FRYL: variants seen among roughly 807,000 people sequenced by gnomAD.
FRYL encodes the protein protein furry homolog-like.
A neutral mutation model predicts 351.2 loss-of-function variants in FRYL; 150 were observed. The ratio of observed to expected loss-of-function variants is 0.43; its 90% CI spans 0.37 to 0.49. FRYL has a LOEUF of 0.49. Among genes scored for constraint, FRYL ranks in the 20% least tolerant of loss-of-function variants. FRYL has a pLI of 0.00. For synonymous variants in FRYL, 1,153 were observed against 1,257.1 expected (o/e 0.92, Z 1.75); for missense variants, 3,036 against 3,619.3 (o/e 0.84, Z 4.13).
At position 48,528,320 on chromosome 4, in the gene FRYL, T is replaced by C; in HGVS notation, c.6920A>G (p.Asn2307Ser). 6.2e-7 allele frequency: 1 copy of C among 1,604,674 alleles called. No individual in the cohort carries two copies. The highest frequency in any genetic ancestry group is 8.5e-7 in the Non-Finnish European group (1 of 1,175,716). The change falls in exon 51 of 64, where the codon AAC becomes AGC. Residue 2307 changes from asparagine to serine, a missense_variant. Physicochemically the swap from Asn to Ser is conservative, Grantham distance 46. Around this residue, in one of 7 missense-constraint regions of FRYL, gnomAD observed 1,987 missense variants for 2,311.7 expected, o/e 0.86. Transcript: ENST00000358350. ...CGCACTGTGCTGATCACCATATTTGTTTCCAATAATTGGTGTCTACACAGA... is the reference window on the plus strand; with the variant it reads ...CGCACTGTGCTGATCACCATATTTGCTTCCAATAATTGGTGTCTACACAGA... ...FDISETPIIG[N>S]KYGDQHSAAG...
At chr4:48,536,900 C>T (rs768225585) in intron 47 of FRYL, among the ~76,000 whole-genome samples, 1 of 152,112 alleles carries the variant, frequency 6.6e-6, no homozygotes, top group Non-Finnish European at 1.5e-5. Context: ...TGGACATTAT[C>T]ATGGAACAAG....
At chr4:48,740,791 A>G (rs989880449) in intron 1 of FRYL, among the ~76,000 whole-genome samples, 44 of 152,208 alleles carry the variant, frequency 2.9e-4, no homozygotes, top group Admixed American at 5.9e-4. Flanking sequence ...GATGTGAGGC[A>G]AGAAAAACTA....
intron 33 of FRYL, among the ~76,000 whole-genome samples, chr4:48,558,151 T>C (rs1317832203): frequency 2.0e-5 from 3 of 152,158 alleles, no homozygotes; most frequent in Non-Finnish European, 1.5e-5. Flanking sequence ...AGCCAAGAGG[T>C]AGGTGGAAGC....
In FRYL at chr4:48,620,798, C is replaced by G; in HGVS notation, c.175-20G>C. On this transcript the variant is annotated intron_variant, in intron 5 of 63. Coordinates refer to ENST00000358350, the MANE Select transcript of FRYL (RefSeq NM_015030.2). ...TATCAACTGAAAACACAAGATATTA[C>G]CAGAAAATAAATTGTAACACTGAAT... The G allele has an allele frequency of 6.3e-7, 1 of 1,599,358 alleles. No individual in the cohort carries two copies. Among genetic ancestry groups the G allele is most frequent in the Non-Finnish European group, 8.6e-7 (1 of 1,169,042 alleles).
chr4:48,563,410 C>T lies in FRYL; in HGVS notation c.3597-422G>A, dbSNP rs2149065659. Among the ~76,000 whole-genome samples, 5 of 152,172 alleles carry T rather than the reference C, an allele frequency of 3.3e-5. No individual in the cohort carries two copies. The Middle Eastern group carries it at 0.014, about 414-fold the overall frequency. On this transcript the variant is annotated intron_variant, in intron 31 of 63. Transcript: ENST00000358350. ...AAGAAAAGAAAATACAGTCAACCCTCTGTGGATCAAAAATATGAGGGAAAG... is the reference window on the plus strand; with the variant it reads ...AAGAAAAGAAAATACAGTCAACCCTTTGTGGATCAAAAATATGAGGGAAAG...
At chr4:48,636,677 T>C (rs1754288641) in intron 3 of FRYL, among the ~76,000 whole-genome samples, 1 of 152,006 alleles carries the variant, frequency 6.6e-6, no homozygotes, top group African/African-American at 2.4e-5. Flanking sequence ...AAACCTTTAT[T>C]TACAAGTTAT....
chr4:48,677,075 A>G (rs1353875194), intron 3 of FRYL, among the ~76,000 whole-genome samples: 2 of 152,230 alleles, frequency 1.3e-5, no homozygotes, highest in Admixed American at 6.5e-5. Flanking sequence ...TATTTTACAG[A>G]GGAATAGAGG....
intron 44 of FRYL, 147 bp from the exon 45 acceptor site, chr4:48,542,268 A>G (rs1730357924): frequency 1.6e-6 from 1 of 635,596 alleles, no homozygotes; most frequent in Non-Finnish European, 2.8e-6. Context: ...TTGCTGATTG[A>G]TGCAAACTCA....
chr4:48,671,676 A>G (rs562516781), intron 3 of FRYL, among the ~76,000 whole-genome samples: 6,946 of 151,496 alleles, frequency 0.046, 268 homozygotes, highest in Non-Finnish European at 0.062. Flanking sequence ...TCAAAACAAA[A>G]CAAAACAAAA....
chr4:48,632,993 A>G (rs1753552402), intron 4 of FRYL, among the ~76,000 whole-genome samples: 1 of 152,170 alleles, frequency 6.6e-6, no homozygotes, highest in African/African-American at 2.4e-5. Context: ...GTGCGCCGTC[A>G]CAAACCCTCT....
intron 53 of FRYL, among the ~76,000 whole-genome samples, chr4:48,526,393 A>G (rs1299243154): frequency 1.3e-5 from 2 of 152,212 alleles, no homozygotes; most frequent in African/African-American, 2.4e-5. Context: ...CTAATAGCCT[A>G]AGACAACCAG....
In FRYL at chr4:48,515,199, T is replaced by A. The variant is rs1268205636; in HGVS notation, c.7766A>T (p.Gln2589Leu). 2 of 1,613,646 alleles carry A rather than the reference T, an allele frequency of 1.2e-6. No homozygotes were observed. The highest frequency in any genetic ancestry group is 3.3e-5 in the Admixed American group (2 of 60,024). Residue 2589 changes from glutamine (Q) to leucine (L), a missense_variant, in exon 56 of 64, where the codon CAG (glutamine) becomes CTG (leucine). By Grantham distance (113) the Gln-to-Leu change is moderately radical (BLOSUM62 -2). Transcript: ENST00000358350. ...DEGSYIIQEQ[Q>L]ESLVCQGILD... ...AATTCCTTGACACACAAGAGATTCC[T>A]GCTGTTCTTGAATTATATAGGATCC...
chr4:48,691,324 C>A (rs534777415), intron 2 of FRYL, among the ~76,000 whole-genome samples: 19 of 151,670 alleles, frequency 1.3e-4, no homozygotes, highest in Admixed American at 9.2e-4. Context: ...GCAGTAGAGG[C>A]AAAGAACAAA....
chr4:48,557,768 G>C, intron 33 of FRYL, 56 bp from the exon 34 acceptor site: 2 of 1,581,744 alleles, frequency 1.3e-6, no homozygotes, highest in South Asian at 1.1e-5. Context: ...CCTCTGACCC[G>C]TAATTAATTC....
intron 58 of FRYL, among the ~76,000 whole-genome samples, chr4:48,510,533 G>A (rs1234514107): frequency 1.3e-5 from 2 of 152,080 alleles, no homozygotes; most frequent in African/African-American, 4.8e-5. Flanking sequence ...ACGGGTGGAG[G>A]TTTAGGCATC....
At chr4:48,719,273 T>C (rs551617926) in intron 1 of FRYL, among the ~76,000 whole-genome samples, 29 of 151,828 alleles carry the variant, frequency 1.9e-4, no homozygotes, top group Non-Finnish European at 3.7e-4. Flanking sequence ...TGTGCAAATG[T>C]ATCCCATGCC....
At chr4:48,714,406 T>G (rs1467720141) in intron 1 of FRYL, among the ~76,000 whole-genome samples, 2 of 136,500 alleles carry the variant, frequency 1.5e-5, no homozygotes, top group Admixed American at 1.5e-4. Context: ...GAGAGAAGAA[T>G]CAAATAGACA....
intron 33 of FRYL, among the ~76,000 whole-genome samples, chr4:48,559,871 G>A (rs1399679394): frequency 6.6e-6 from 1 of 152,114 alleles, no homozygotes; most frequent in African/African-American, 2.4e-5. Context: ...AATATAAGAT[G>A]GCTAACACCA....
Position 48,582,751 on chromosome 4 carries a change from TC to T in FRYL, c.1749-18del. 1 of 1,564,980 alleles carries T rather than the reference TC, an allele frequency of 6.4e-7. No individual in the cohort carries two copies. The highest frequency in any genetic ancestry group is 8.8e-7 in the Non-Finnish European group (1 of 1,136,396). ...ATTGTGAGCCTACCAAGAACAAAAT[TC>T]CATTAGCAAACTTCAATACCTTTCA... On this transcript the variant is annotated intron_variant, in intron 19 of 63. Coordinates refer to ENST00000358350, the MANE Select transcript of FRYL (RefSeq NM_015030.2).
Sources: allele counts gnomAD v4.1 joint callset (sites outside exome capture counted in the v4.1 genomes callset), GRCh38; gene constraint gnomAD v4.1.1; regional missense constraint gnomAD v4.1.1; transcripts MANE v1.5; gene names NCBI Gene and HGNC (gene_info 2026-07-23, HGNC 2026-07-21).